Variants in ATG7 observed in about 807,000 individuals in gnomAD.
ATG7 encodes autophagy related 7.
ATG7 carries 70 observed loss-of-function variants against 82.4 expected under a neutral mutation model. The observed-to-expected ratio is 0.85, with a 90% CI of 0.70 to 1.04. The LOEUF is 1.04. Among genes scored for constraint, ATG7 ranks in the 50% least tolerant of loss-of-function variants. The pLI, the probability that ATG7 is intolerant of heterozygous loss-of-function variation, is 0.00. For synonymous variants in ATG7, 287 were observed against 313.0 expected (o/e 0.92, Z 0.88); for missense variants, 792 against 864.3 (o/e 0.92, Z 1.05).
At chr3:11,465,741 G>A (rs2153005428) in intron 20 of ATG7, among the ~76,000 whole-genome samples, 1 of 151,968 alleles carries the variant, frequency 6.6e-6, no homozygotes, top group African/African-American at 2.4e-5. Flanking sequence ...CACCAACCTG[G>A]GCGACAGCGA....
chr3:11,566,887 G>A, the ATG7 span, among the ~76,000 whole-genome samples: 85 of 152,296 alleles, frequency 5.6e-4, no homozygotes, highest in African/African-American at 2.0e-3. Context: ...GAGACTTAAC[G>A]GGTGAATGAA....
At chr3:11,398,219 A>C (rs1010731497) in intron 19 of ATG7, among the ~76,000 whole-genome samples, 2 of 152,224 alleles carry the variant, frequency 1.3e-5, no homozygotes, top group African/African-American at 2.4e-5. Flanking sequence ...CATATAGAAT[A>C]CTGCACCTAA....
At chr3:11,543,625 C>G (rs1056483184) in intron 20 of ATG7, among the ~76,000 whole-genome samples, 1 of 152,176 alleles carries the variant, frequency 6.6e-6, no homozygotes, top group Non-Finnish European at 1.5e-5. Context: ...CAAGGCTGGC[C>G]GCGGTGGCTC....
chr3:11,315,228 T>A, intron 8 of ATG7, 116 bp from the exon 9 acceptor site: 1 of 911,828 alleles, frequency 1.1e-6, no homozygotes. Flanking sequence ...GTAAGAGGAG[T>A]GTGATCAGTC....
At chr3:11,471,519 T>G (rs1026989205) in intron 20 of ATG7, among the ~76,000 whole-genome samples, 1 of 152,144 alleles carries the variant, frequency 6.6e-6, no homozygotes, top group African/African-American at 2.4e-5. Flanking sequence ...ATTTTGCAGA[T>G]GAAAATAAGA....
intron 20 of ATG7, among the ~76,000 whole-genome samples, chr3:11,444,643 C>T (rs905868035): frequency 6.6e-6 from 1 of 152,150 alleles, no homozygotes; most frequent in African/African-American, 2.4e-5. Context: ...CTGGCCCTTA[C>T]TTCTGGACAT....
chr3:11,497,838 G>C (rs763713820), intron 20 of ATG7, among the ~76,000 whole-genome samples: 3 of 152,074 alleles, frequency 2.0e-5, no homozygotes, highest in Non-Finnish European at 4.4e-5. Context: ...CCCAGATTAT[G>C]ATATTTTAAT....
At chr3:11,569,591 A>G in the ATG7 span, among the ~76,000 whole-genome samples, 1 of 152,242 alleles carries the variant, frequency 6.6e-6, no homozygotes, top group African/African-American at 2.4e-5. Flanking sequence ...GCACAGGGCC[A>G]GTGAGTGGGC....
intron 20 of ATG7, among the ~76,000 whole-genome samples, chr3:11,466,889 G>A (rs979876184): frequency 1.3e-5 from 2 of 152,152 alleles, no homozygotes; most frequent in Non-Finnish European, 2.9e-5. Context: ...CAGCACTTTG[G>A]GAGGCCGAGG....
At chr3:11,527,094 C>G in intron 20 of ATG7, among the ~76,000 whole-genome samples, 1 of 100,480 alleles carries the variant, frequency 1.0e-5, no homozygotes. Context: ...TATATATATA[C>G]ATACATATAC....
chr3:11,358,158 C>T (rs1008616933), intron 14 of ATG7, among the ~76,000 whole-genome samples: 1 of 152,092 alleles, frequency 6.6e-6, no homozygotes, highest in Non-Finnish European at 1.5e-5. Flanking sequence ...AGGATGTGCC[C>T]CCTCCACTTT....
chr3:11,440,023 A>C (rs1044179997), intron 20 of ATG7, among the ~76,000 whole-genome samples: 3 of 152,200 alleles, frequency 2.0e-5, no homozygotes, highest in African/African-American at 7.2e-5. Flanking sequence ...AGAGAGGAAG[A>C]AGTGCATAGG....
At chr3:11,528,683 G>A (rs538917170) in intron 20 of ATG7, among the ~76,000 whole-genome samples, 38 of 151,908 alleles carry the variant, frequency 2.5e-4, no homozygotes, top group East Asian at 1.9e-4. Flanking sequence ...AAAATTAGCC[G>A]GGCATGGTGG....
chr3:11,466,590 G>A (rs2086850200), intron 20 of ATG7, among the ~76,000 whole-genome samples: 1 of 152,202 alleles, frequency 6.6e-6, no homozygotes, highest in Non-Finnish European at 1.5e-5. Context: ...TACAGCGTCG[G>A]TGCTTATAAG....
In ATG7 at chr3:11,499,273, C is replaced by G. The variant is rs2091130957; in HGVS notation, c.2080-55538C>G. 2.0e-5 allele frequency among the ~76,000 whole-genome samples: 3 copies of G among 151,968 alleles called. No individual in the cohort carries two copies. In the South Asian group the frequency reaches 6.2e-4, roughly 31 times the overall value. On this transcript the variant is annotated intron_variant, in intron 20 of 20. Transcript: ENST00000693202. ...CCACATTCCTCTATCCTTTCCTGTT[C>G]TACATGGGTTTTCACACATACTTGC...
At chr3:11,320,192 C>T (rs73125430) in intron 9 of ATG7, among the ~76,000 whole-genome samples, 3,850 of 152,184 alleles carry the variant, frequency 0.025, 173 homozygotes, top group African/African-American at 0.088. Context: ...CCCTTTGCTC[C>T]GTTAAGTGCT....
At chr3:11,565,647 G>A in the ATG7 span, among the ~76,000 whole-genome samples, 2 of 152,180 alleles carry the variant, frequency 1.3e-5, no homozygotes, top group Non-Finnish European at 2.9e-5. This position sits in a 1 kb window ranked among gnomAD's most constrained non-coding sequence, Gnocchi z 4.1. Context: ...GAGCCGGCGC[G>A]CAGCTCTCTC....
chr3:11,535,954 C>T lies in ATG7; in HGVS notation c.2080-18857C>T, dbSNP rs111871747. Among the ~76,000 whole-genome samples, 235 of 152,296 alleles carry T rather than the reference C, an allele frequency of 1.5e-3. 2 individuals are homozygous for T. The highest frequency in any genetic ancestry group is 5.1e-3 in the African/African-American group (212 of 41,568). ...GATGATTCCATGTGGGATGACGCAG[C>T]GTTGCCTGCCAAACCAGCCATCAGG... On this transcript the variant is annotated intron_variant, in intron 20 of 20. Transcript: ENST00000693202.
chr3:11,430,817 T>A (rs886810600), intron 20 of ATG7, among the ~76,000 whole-genome samples: 1 of 152,182 alleles, frequency 6.6e-6, no homozygotes, highest in African/African-American at 2.4e-5. Context: ...CCTAGGGGAA[T>A]AGGATGTCAA....
Sources: gnomAD v4.1 joint callset for allele counts (sites outside exome capture counted in the v4.1 genomes callset) on GRCh38, gnomAD v4.1.1 for gene constraint, Gnocchi (gnomAD v3.1) non-coding constraint, MANE v1.5 for transcripts, NCBI Gene and HGNC (gene_info 2026-07-23, HGNC 2026-07-21) for gene names.